The following HSD17B3 variants were observed in gnomAD, a reference collection of about 807,000 sequenced individuals.
HSD17B3 encodes 17-beta-hydroxysteroid dehydrogenase type 3.
In HSD17B3, 29 loss-of-function variants were observed where a neutral mutation model predicts 41.1. The ratio of observed to expected loss-of-function variants is 0.71; its 90% CI spans 0.53 to 0.96. The LOEUF is 0.96. Ranked by LOEUF, HSD17B3 falls within the 40% of genes least tolerant of loss-of-function variation. HSD17B3 has a pLI of 0.00. For synonymous variants in HSD17B3, 126 were observed against 145.6 expected, an observed-to-expected ratio of 0.87 and a Z score of 0.97; for missense variants, 323 against 374.6, an observed-to-expected ratio of 0.86 and a Z score of 1.14.
chr9:96,240,704 C>T (rs1836404022), intron 10 of HSD17B3, 54 bp downstream of exon 10: 1 of 1,591,966 alleles, frequency 6.3e-7, no homozygotes, highest in Admixed American at 1.7e-5. Context: ...CCTGCCAGGG[C>T]CACCTGCGTG....
intron 2 of HSD17B3, among the ~76,000 whole-genome samples, chr9:96,268,701 C>T (rs551660787): frequency 3.3e-4 from 50 of 152,292 alleles, no homozygotes; most frequent in African/African-American, 1.2e-3. Flanking sequence ...GTAATACCAG[C>T]ACTTTGGGAA....
chr9:96,269,267 C>G (rs1430359042), intron 2 of HSD17B3, among the ~76,000 whole-genome samples: 1 of 152,130 alleles, frequency 6.6e-6, no homozygotes, highest in Non-Finnish European at 1.5e-5. Context: ...TACAGGACCA[C>G]CATTGTATAT....
At chr9:96,287,766 A>C (rs774644128) in intron 2 of HSD17B3, among the ~76,000 whole-genome samples, 1 of 151,944 alleles carries the variant, frequency 6.6e-6, no homozygotes, top group Non-Finnish European at 1.5e-5. Flanking sequence ...TTTACCTTGC[A>C]ACCCAGAGAC....
chr9:96,275,177 C>A (rs1051563951), intron 2 of HSD17B3, among the ~76,000 whole-genome samples: 4 of 151,904 alleles, frequency 2.6e-5, no homozygotes, highest in African/African-American at 4.8e-5. Flanking sequence ...GTTTCCCAGA[C>A]AAAAACTGAG....
intron 2 of HSD17B3, among the ~76,000 whole-genome samples, chr9:96,292,248 T>C (rs946847348): frequency 1.3e-5 from 2 of 152,136 alleles, no homozygotes; most frequent in African/African-American, 2.4e-5. Flanking sequence ...CAAGGGCCCA[T>C]TGAACTATAA....
intron 2 of HSD17B3, among the ~76,000 whole-genome samples, chr9:96,265,310 C>T (rs1176044249): frequency 1.3e-5 from 2 of 152,224 alleles, no homozygotes; most frequent in Non-Finnish European, 2.9e-5. Context: ...ATCCCTATTG[C>T]TTAAATGCTG....
chr9:96,293,949 G>A (rs988703028), intron 2 of HSD17B3, among the ~76,000 whole-genome samples: 2 of 152,124 alleles, frequency 1.3e-5, no homozygotes, highest in Non-Finnish European at 2.9e-5. Context: ...ACACACATCT[G>A]ATCAATTCCC....
rs564276782 is a variant in HSD17B3 at position 96,238,729 on chromosome 9, G to A, written c.822+2029C>T. Among the ~76,000 whole-genome samples, 17 of 152,308 alleles carry A rather than the reference G, an allele frequency of 1.1e-4. 1 individual carries two copies. The East Asian group carries it at 1.9e-3, about 17-fold the overall frequency. Reference sequence around the variant, plus strand: ...AGTGGGAGGAGAGAAAGAGAAAGGCGTGGTCAGAAGTGTGTCCTCTGTCGG... The same window carrying A: ...AGTGGGAGGAGAGAAAGAGAAAGGCATGGTCAGAAGTGTGTCCTCTGTCGG... On this transcript the variant is annotated intron_variant, in intron 10 of 10. Coordinates refer to ENST00000375263, the MANE Select transcript of HSD17B3 (RefSeq NM_000197.2).
chr9:96,282,159 G>A (rs994425359), intron 2 of HSD17B3, among the ~76,000 whole-genome samples: 6 of 152,058 alleles, frequency 3.9e-5, no homozygotes, highest in South Asian at 2.1e-4. Context: ...CCATATGGCC[G>A]TGCTTTCTCT....
Position 96,240,761 on chromosome 9 carries a change from G to T in HSD17B3, c.819C>A (p.Ile273=). 6.2e-7 allele frequency: 1 copy of T among 1,614,188 alleles called. No individual in the cohort carries two copies. Among genetic ancestry groups the T allele is most frequent in the South Asian group, 1.1e-5 (1 of 91,088 alleles). The part of the protein sequence containing the change: ...GETCGCLAHE[I]LAGFLSLIPA... ...AAAAGGAGAAGTTATCAATTACCAA[G>T]ATTTCATGGGCAAGGCAGCCACAGG... The change falls in exon 10 of 11, where the codon ATC becomes ATA. Residue 273 remains isoleucine (I), a synonymous_variant. Coordinates refer to ENST00000375263, the MANE Select transcript of HSD17B3 (RefSeq NM_000197.2).
At chr9:96,251,163 G>A (rs1418645812) in intron 5 of HSD17B3, 1 of 565,704 alleles carries the variant, frequency 1.8e-6, no homozygotes, top group Non-Finnish European at 3.2e-6. Context: ...CAGAAGCATA[G>A]GACAATGGAC....
At chr9:96,243,283 T>C (rs1318736398) in intron 9 of HSD17B3, among the ~76,000 whole-genome samples, 1 of 152,190 alleles carries the variant, frequency 6.6e-6, no homozygotes, top group Non-Finnish European at 1.5e-5. Flanking sequence ...GACCCCAGCA[T>C]GGAAGCAGGA....
intron 10 of HSD17B3, among the ~76,000 whole-genome samples, chr9:96,240,210 G>A (rs924464786): frequency 2.0e-5 from 3 of 152,146 alleles, no homozygotes; most frequent in African/African-American, 7.2e-5. Context: ...TGCACGTTTT[G>A]CACATGCATC....
intron 4 of HSD17B3, among the ~76,000 whole-genome samples, chr9:96,251,984 A>C (rs1441468110): frequency 1.3e-5 from 2 of 152,224 alleles, no homozygotes; most frequent in Admixed American, 6.5e-5. Context: ...TTAGAAATCC[A>C]ATTTGACTTT....
chr9:96,266,193 T>C (rs1008773853), intron 2 of HSD17B3, among the ~76,000 whole-genome samples: 1 of 152,234 alleles, frequency 6.6e-6, no homozygotes, highest in African/African-American at 2.4e-5. Context: ...TTTTAAACCA[T>C]AGGAAATTTC....
intron 9 of HSD17B3, among the ~76,000 whole-genome samples, chr9:96,241,959 G>A (rs1486994892): frequency 1.6e-4 from 1 of 6,374 alleles, no homozygotes. Flanking sequence ...GAAAAGAACA[G>A]AAAAAGAAAG....
chr9:96,262,909 G>A (rs975043519), intron 2 of HSD17B3, among the ~76,000 whole-genome samples: 13 of 152,136 alleles, frequency 8.5e-5, no homozygotes, highest in African/African-American at 3.1e-4. Flanking sequence ...TTATCAGTAA[G>A]TGTAACTGTC....
At chr9:96,241,006 C>G (rs1160714614) in intron 9 of HSD17B3, 99 bp from the exon 10 acceptor site, 1 of 1,400,002 alleles carries the variant, frequency 7.1e-7, no homozygotes, top group African/African-American at 1.4e-5. Context: ...TTTCCCGACC[C>G]TTCTCTTCCT....
chr9:96,253,101 G>A (rs1305678437), intron 3 of HSD17B3, among the ~76,000 whole-genome samples, 191 bp from the exon 4 acceptor site: 1 of 152,162 alleles, frequency 6.6e-6, no homozygotes, highest in Admixed American at 6.5e-5. Flanking sequence ...TGGTTCCTAC[G>A]TGTCTCTAAG....
Sources: gnomAD v4.1 joint callset for allele counts (sites outside exome capture counted in the v4.1 genomes callset) on GRCh38, gnomAD v4.1.1 for gene constraint, MANE v1.5 for transcripts, NCBI Gene and HGNC (gene_info 2026-07-23, HGNC 2026-07-21) for gene names.